NIPAL3: variants seen among roughly 807,000 people sequenced by gnomAD.
NIPAL3 encodes the protein NIPA-like protein 3.
NIPAL3 carries 41 observed loss-of-function variants against 47.2 expected under a neutral mutation model. That is an observed-to-expected ratio of 0.87 (90% CI 0.68 to 1.13). The LOEUF (loss-of-function observed/expected upper bound fraction) is 1.13, where lower values mean the gene tolerates loss of function less well. NIPAL3 is among the 50% of genes most tolerant of loss of function. NIPAL3 has a pLI of 0.00. For synonymous variants in NIPAL3, 194 were observed against 209.6 expected (o/e 0.93, Z 0.64); for missense variants, 449 against 530.1 (o/e 0.85, Z 1.50).
At chr1:24,465,119 C>T (rs894283966) in intron 11 of NIPAL3, 4 of 152,126 alleles carry the variant, frequency 2.6e-5, no homozygotes, top group African/African-American at 9.7e-5. Flanking sequence ...CTCCTTCAAC[C>T]CAGCTTGTTC....
At chr1:24,463,318 A>G (rs946030846) in intron 10 of NIPAL3, among the ~76,000 whole-genome samples, 7 of 152,234 alleles carry the variant, frequency 4.6e-5, no homozygotes, top group East Asian at 3.8e-4. Flanking sequence ...AATTTCATCC[A>G]TGGTGAGAGA....
At position 24,454,046 on chromosome 1, in the gene NIPAL3, T is replaced by TTTA; in HGVS notation, c.637+542_637+543insTTA. The TTTA allele has an allele frequency of 3.9e-6, 2 of 511,764 alleles. No individual in the cohort carries two copies. The highest frequency in any genetic ancestry group is 6.9e-6 in the Non-Finnish European group (2 of 291,490). 31.7% of individuals were successfully genotyped at this position (511,764 alleles called of 1,614,324 possible). ...TTAATTTTTCCTTTTTTTTTTTTTTTGAGACAGTCTTGCTCTGTCACCCAG... is the reference window on the plus strand; with the variant it reads ...TTAATTTTTCCTTTTTTTTTTTTTTTTTAGAGACAGTCTTGCTCTGTCACCCAG... On this transcript the variant is annotated intron_variant, in intron 7 of 11. Transcript: ENST00000374399. The surrounding 1 kb of genome is among the most constrained non-coding windows in gnomAD (Gnocchi z 4.1).
At position 24,464,025 on chromosome 1, in the gene NIPAL3, G is replaced by C; in HGVS notation, c.927-1G>C. The C allele has an allele frequency of 6.2e-7, 1 of 1,610,718 alleles. No homozygotes were observed. The highest frequency in any genetic ancestry group is 8.5e-7 in the Non-Finnish European group (1 of 1,177,766). On this transcript the variant is annotated splice_acceptor_variant, in intron 10 of 11. Transcript: ENST00000374399. LOFTEE classifies it high-confidence loss of function. ...CTTCCTATCTTATCTCCATTCCGCA[G>C]GTGCCTCATTGCATTCTTGGGCGTC...
chr1:24,421,242 G>A (rs987156008), intron 2 of NIPAL3, among the ~76,000 whole-genome samples: 2 of 152,024 alleles, frequency 1.3e-5, no homozygotes, highest in African/African-American at 4.8e-5. Context: ...AGGACCACCT[G>A]TGGTCCCAGC....
In NIPAL3 at chr1:24,453,790, T is replaced by G. The variant is rs1646056251; in HGVS notation, c.637+286T>G. On this transcript the variant is annotated intron_variant, in intron 7 of 11. Coordinates refer to ENST00000374399, the MANE Select transcript of NIPAL3 (RefSeq NM_020448.5). Reference sequence around the variant, plus strand: ...CAATAACAATTCCAATGAGGAAGAATAAAGTAGAGTGAGGATGAGGTGAGT... The same window carrying G: ...CAATAACAATTCCAATGAGGAAGAAGAAAGTAGAGTGAGGATGAGGTGAGT... 2.6e-5 allele frequency among the ~76,000 whole-genome samples: 4 copies of G among 152,194 alleles called. No homozygotes were observed. In the South Asian group the frequency reaches 8.3e-4, roughly 32 times the overall value.
chr1:24,436,494 T>C (rs974708458), intron 2 of NIPAL3, among the ~76,000 whole-genome samples: 1 of 148,020 alleles, frequency 6.8e-6, no homozygotes, highest in Non-Finnish European at 1.5e-5. Flanking sequence ...ATGTTTGTCT[T>C]TTTTTTTTTT....
rs1646946887 is a variant in NIPAL3, at chr1:24,472,775, A to T, written c.*3590A>T. The stretch of plus-strand genomic sequence containing the variant: ...CCATGTGAATTCCAAAGCTGTTTCA[A>T]CACTGGCTGATAGGCAGACAAAAGG... On this transcript the variant is annotated 3_prime_UTR_variant, in exon 12 of 12. Coordinates refer to ENST00000374399, the MANE Select transcript of NIPAL3 (RefSeq NM_020448.5). The T allele has an allele frequency of 6.6e-6, 1 of 152,190 alleles. No individual in the cohort carries two copies. Among genetic ancestry groups the T allele is most frequent in the Non-Finnish European group, 1.5e-5 (1 of 68,034 alleles). 9.4% of individuals were successfully genotyped at this position (152,190 alleles called of 1,614,324 possible).
intron 2 of NIPAL3, among the ~76,000 whole-genome samples, chr1:24,439,861 G>A (rs556567171): frequency 1.3e-5 from 2 of 152,342 alleles, no homozygotes; most frequent in East Asian, 1.9e-4. Context: ...ATTTTGGAAT[G>A]TTGCTTTTCT....
Position 24,454,571 on chromosome 1 carries a change from A to T in NIPAL3, c.637+1067A>T, listed in dbSNP as rs1422292972. On this transcript the variant is annotated intron_variant, in intron 7 of 11. Transcript: ENST00000374399. The surrounding 1 kb of genome is among the most constrained non-coding windows in gnomAD (Gnocchi z 4.1). Reference sequence around the variant, plus strand: ...TTTTTAACAGCTCTGTTGAGATATAATTTACATACCATAAAGTTCACCTGT... The same window carrying T: ...TTTTTAACAGCTCTGTTGAGATATATTTTACATACCATAAAGTTCACCTGT... 8.2e-6 allele frequency: 8 copies of T among 980,514 alleles called. No individual in the cohort carries two copies. The East Asian group carries it at 4.6e-4, about 56-fold the overall frequency. 60.7% of individuals were successfully genotyped at this position (980,514 alleles called of 1,614,324 possible).
intron 6 of NIPAL3, 111 bp from the exon 7 acceptor site, chr1:24,453,297 G>C: frequency 1.4e-6 from 1 of 699,634 alleles, no homozygotes; most frequent in East Asian, 2.7e-5. Context: ...TCATAGCTCA[G>C]TCATTCCCTT....
chr1:24,422,885 A>T (rs906151720), intron 2 of NIPAL3, among the ~76,000 whole-genome samples: 1 of 152,236 alleles, frequency 6.6e-6, no homozygotes, highest in Admixed American at 6.5e-5. Flanking sequence ...CTTTTTATTG[A>T]CATATGGTAT....
intron 2 of NIPAL3, among the ~76,000 whole-genome samples, chr1:24,426,860 T>C (rs137973074): frequency 9.1e-4 from 139 of 152,326 alleles, no homozygotes; most frequent in African/African-American, 3.2e-3. Context: ...CAACCTGATC[T>C]GGCAGTGCCC....
At chr1:24,434,813 A>C (rs922865684) in intron 2 of NIPAL3, among the ~76,000 whole-genome samples, 1 of 152,188 alleles carries the variant, frequency 6.6e-6, no homozygotes, top group Non-Finnish European at 1.5e-5. Context: ...ATTCACAAAC[A>C]TGTATAAATT....
In NIPAL3 at chr1:24,449,481, G is replaced by A. The variant is rs895081098; in HGVS notation, c.395G>A (p.Arg132Lys). The change falls in exon 6 of 12, where the codon AGG (arginine) becomes AAG (lysine). Residue 132 changes from arginine to lysine, a missense_variant and splice_region_variant. Transcript: ENST00000374399. The surrounding 1 kb of genome is among the most constrained non-coding windows in gnomAD (Gnocchi z 4.5). ...KEKWKPKDFL[R>K]RYVLSFVGCG... Reference sequence around the variant, plus strand: ...CCGTGACAGCCTCTCTTCCCCGCAGGGCGCTACGTCTTGTCCTTTGTTGGC... The same window carrying A: ...CCGTGACAGCCTCTCTTCCCCGCAGAGCGCTACGTCTTGTCCTTTGTTGGC... 1 of 1,612,876 alleles carries A rather than the reference G, an allele frequency of 6.2e-7. No homozygotes were observed. Among genetic ancestry groups the A allele is most frequent in the African/African-American group, 1.3e-5 (1 of 74,856 alleles).
At chr1:24,457,723 C>T (rs370905429) in intron 8 of NIPAL3, 26 of 532,528 alleles carry the variant, frequency 4.9e-5, no homozygotes, top group African/African-American at 2.7e-4. Flanking sequence ...GCTCTTCTGT[C>T]GCCTACTCAG....
At chr1:24,428,068 C>T (rs535481351) in intron 2 of NIPAL3, among the ~76,000 whole-genome samples, 1 of 152,044 alleles carries the variant, frequency 6.6e-6, no homozygotes, top group Non-Finnish European at 1.5e-5. Context: ...GGTGAAACAC[C>T]GTCTCTACTA....
At chr1:24,428,742 C>T (rs145869159) in intron 2 of NIPAL3, among the ~76,000 whole-genome samples, 100 of 152,300 alleles carry the variant, frequency 6.6e-4, no homozygotes, top group African/African-American at 2.4e-3. Context: ...TTCAGCGAAC[C>T]TTCCAAGGGC....
intron 8 of NIPAL3, among the ~76,000 whole-genome samples, 189 bp downstream of exon 8, chr1:24,456,462 G>T (rs1019032568): frequency 6.6e-6 from 1 of 152,110 alleles, no homozygotes; most frequent in Non-Finnish European, 1.5e-5. Flanking sequence ...CTCAAAAGAC[G>T]AAGCCAGGCC....
intron 2 of NIPAL3, among the ~76,000 whole-genome samples, chr1:24,427,792 T>C (rs1644664478): frequency 1.3e-5 from 2 of 152,178 alleles, no homozygotes; most frequent in Non-Finnish European, 2.9e-5. Flanking sequence ...TTTATTATCA[T>C]AGTAACTATC....
Sources: gnomAD v4.1 joint callset for allele counts (sites outside exome capture counted in the v4.1 genomes callset) on GRCh38, gnomAD v4.1.1 for gene constraint, Gnocchi (gnomAD v3.1) non-coding constraint, MANE v1.5 for transcripts, NCBI Gene and HGNC (gene_info 2026-07-23, HGNC 2026-07-21) for gene names.